The following ZNRF1 variants were observed in gnomAD, a reference collection of about 807,000 sequenced individuals.
The protein encoded by ZNRF1 is E3 ubiquitin-protein ligase ZNRF1.
ZNRF1 carries 3 observed loss-of-function variants against 18.4 expected under a neutral mutation model. The ratio of observed to expected loss-of-function variants is 0.16; its 90% confidence interval spans 0.07 to 0.42. ZNRF1 has a LOEUF of 0.42. Among genes scored for constraint, ZNRF1 ranks in the 10% least tolerant of loss-of-function variants. The pLI is 0.99. For missense variants in ZNRF1, 310 were observed against 329.8 expected (o/e 0.94, Z 0.47); for synonymous variants, 157 against 144.2 (o/e 1.09, Z -0.64).
chr16:75,002,865 A>G (rs1280017433), intron 1 of ZNRF1, among the ~76,000 whole-genome samples: 1 of 152,152 alleles, frequency 6.6e-6, no homozygotes, highest in African/African-American at 2.4e-5. Context: ...TCTTCACACG[A>G]ATTTCTCTTT....
chr16:75,023,937 C>A (rs1352165134), intron 1 of ZNRF1, among the ~76,000 whole-genome samples: 1 of 145,688 alleles, frequency 6.9e-6, no homozygotes, highest in East Asian at 2.1e-4. Flanking sequence ...GTGGTGTGAT[C>A]TCGGCCCACT....
chr16:75,075,304 G>A (rs1250934349), intron 1 of ZNRF1, among the ~76,000 whole-genome samples: 1 of 152,258 alleles, frequency 6.6e-6, no homozygotes, highest in Non-Finnish European at 1.5e-5. Context: ...ACCACAGCAT[G>A]GTGGCAGGGG....
chr16:75,099,132 G>C (rs978896558), intron 2 of ZNRF1, among the ~76,000 whole-genome samples: 2 of 152,214 alleles, frequency 1.3e-5, no homozygotes, highest in African/African-American at 4.8e-5. Context: ...TTAAGGAAAA[G>C]GGGCCAGGTC....
At chr16:75,095,502 T>C (rs1393907991) in intron 2 of ZNRF1, 5 of 1,305,342 alleles carry the variant, frequency 3.8e-6, no homozygotes, top group Non-Finnish European at 5.1e-6. Flanking sequence ...AAAAACCCTA[T>C]TCACTTCTTT....
At chr16:75,093,875 A>G (rs1948451746) in intron 2 of ZNRF1, among the ~76,000 whole-genome samples, 1 of 152,178 alleles carries the variant, frequency 6.6e-6, no homozygotes, top group South Asian at 2.1e-4. Flanking sequence ...CAAGGAAGGA[A>G]GGCCCAGGGG....
chr16:75,031,492 TTTTGTTTG>T (rs149369550), intron 1 of ZNRF1, among the ~76,000 whole-genome samples: 7 of 151,912 alleles, frequency 4.6e-5, no homozygotes, highest in East Asian at 1.9e-4. Context: ...TTCTAAGGTT[TTTTGTTTG>T]TTTGTTTGTT....
In ZNRF1 at chr16:75,108,439, G is replaced by A. The variant is rs952968547; in HGVS notation, c.*739G>A. On this transcript the variant is annotated 3_prime_UTR_variant, in exon 5 of 5. Coordinates refer to ENST00000335325, the MANE Select transcript of ZNRF1 (RefSeq NM_032268.5). The stretch of plus-strand genomic sequence containing the variant: ...GCCTGAACATTATTCTTAGGCCCTC[G>A]TGGATTTTTTTTTTCAGAAAACTTA... The A allele has an allele frequency of 1.5e-4, 58 of 393,396 alleles. No individual in the cohort carries two copies. Among genetic ancestry groups the A allele is most frequent in the South Asian group, 1.4e-4 (1 of 7,168 alleles). 24.4% of individuals were successfully genotyped at this position (393,396 alleles called of 1,614,324 possible). A position where few individuals can be genotyped will look rare whatever the true frequency, so the allele number is the denominator to read the frequency against.
At chr16:75,005,828 A>C (rs1329764815) in intron 1 of ZNRF1, among the ~76,000 whole-genome samples, 1 of 152,176 alleles carries the variant, frequency 6.6e-6, no homozygotes, top group Non-Finnish European at 1.5e-5. Flanking sequence ...ACAGTCATGC[A>C]TTGCTTAATG....
intron 1 of ZNRF1, among the ~76,000 whole-genome samples, chr16:75,083,540 A>G (rs866214385): frequency 6.6e-6 from 1 of 152,202 alleles, no homozygotes; most frequent in Non-Finnish European, 1.5e-5. Context: ...AAAAATTGAG[A>G]ATCCTAATAC....
chr16:74,999,749 G>A lies in ZNRF1; in HGVS notation c.78G>A (p.Pro26=). The change falls in exon 1 of 5, where the codon CCG becomes CCA. Residue 26 remains proline, a synonymous_variant. Coordinates refer to ENST00000335325, the MANE Select transcript of ZNRF1 (RefSeq NM_032268.5). ...PGVSTDDSAV[P]PPGGAPHFGH... ...TCTCCACCGATGACAGCGCCGTGCC[G>A]CCGCCGGGAGGGGCGCCCCATTTCG... 2 of 1,390,510 alleles carry A rather than the reference G, an allele frequency of 1.4e-6. No homozygotes were observed. Among genetic ancestry groups the A allele is most frequent in the Non-Finnish European group, 1.9e-6 (2 of 1,078,800 alleles). 86.1% of individuals were successfully genotyped at this position (1,390,510 alleles called of 1,614,324 possible). A position where few individuals can be genotyped will look rare whatever the true frequency, so the allele number is the denominator to read the frequency against.
At chr16:75,081,068 G>A (rs887007317) in intron 1 of ZNRF1, among the ~76,000 whole-genome samples, 1 of 152,026 alleles carries the variant, frequency 6.6e-6, no homozygotes, top group African/African-American at 2.4e-5. Flanking sequence ...AGCTACTCCG[G>A]AGGCTGAGAC....
At chr16:75,007,559 CAAGA>C (rs2034938830) in intron 1 of ZNRF1, among the ~76,000 whole-genome samples, 1 of 152,120 alleles carries the variant, frequency 6.6e-6, no homozygotes, top group South Asian at 2.1e-4. Flanking sequence ...GGATCTGTAA[CAAGA>C]AAGAGGCAGA....
At chr16:75,079,050 T>C (rs1204107900) in intron 1 of ZNRF1, among the ~76,000 whole-genome samples, 1 of 152,230 alleles carries the variant, frequency 6.6e-6, no homozygotes, top group African/African-American at 2.4e-5. Flanking sequence ...CCGGTTCAAG[T>C]AACCTGAACC....
intron 1 of ZNRF1, among the ~76,000 whole-genome samples, chr16:75,035,972 G>C (rs1430133648): frequency 6.6e-6 from 1 of 152,060 alleles, no homozygotes; most frequent in Non-Finnish European, 1.5e-5. Flanking sequence ...CTATCTACTG[G>C]GAGACTACCG....
intron 1 of ZNRF1, among the ~76,000 whole-genome samples, chr16:75,077,788 C>T (rs76410163): frequency 1.3e-5 from 2 of 152,156 alleles, no homozygotes; most frequent in South Asian, 2.1e-4. Flanking sequence ...CTGGAGGCCA[C>T]GCTTTCCTTG....
At chr16:75,066,621 G>A (rs972549531) in intron 1 of ZNRF1, among the ~76,000 whole-genome samples, 8 of 152,160 alleles carry the variant, frequency 5.3e-5, no homozygotes, top group African/African-American at 1.9e-4. Flanking sequence ...TCCTGTCTCA[G>A]CCTCCTGAGT....
Position 75,039,493 on chromosome 16 carries a change from C to T in ZNRF1, c.424+39398C>T, listed in dbSNP as rs77567300. On this transcript the variant is annotated intron_variant, in intron 1 of 4. Coordinates refer to ENST00000335325, the MANE Select transcript of ZNRF1 (RefSeq NM_032268.5). ...AAAAATCCTTGGAGTTAATGGTATACGAGAGTGTTGTAGCTCATGGAGTAC... is the reference window on the plus strand; with the variant it reads ...AAAAATCCTTGGAGTTAATGGTATATGAGAGTGTTGTAGCTCATGGAGTAC... Among the ~76,000 whole-genome samples the T allele has an allele frequency of 6.9e-3, 1,058 of 152,270 alleles. 8 individuals are homozygous for T. Among genetic ancestry groups the T allele is most frequent in the African/African-American group, 0.024 (1,007 of 41,542 alleles).
intron 1 of ZNRF1, among the ~76,000 whole-genome samples, chr16:75,080,302 C>T (rs2035994382): frequency 6.6e-6 from 1 of 152,228 alleles, no homozygotes; most frequent in South Asian, 2.1e-4. Context: ...AGCCTTCTCA[C>T]AGACCTCCAG....
chr16:75,075,811 G>C (rs963882184), intron 1 of ZNRF1, among the ~76,000 whole-genome samples: 2 of 152,220 alleles, frequency 1.3e-5, no homozygotes, highest in African/African-American at 4.8e-5. Context: ...ATGCTGTCAT[G>C]TGGAGATCAT....
Sources: allele counts gnomAD v4.1 joint callset (sites outside exome capture counted in the v4.1 genomes callset), GRCh38; gene constraint gnomAD v4.1.1; transcripts MANE v1.5; gene names NCBI Gene and HGNC (gene_info 2026-07-23, HGNC 2026-07-21).